Variants in WWC2 observed in about 807,000 individuals in gnomAD.
The protein encoded by WWC2 is protein WWC2.
WWC2 carries 101 observed loss-of-function variants against 138.5 expected under a neutral mutation model. The ratio of observed to expected loss-of-function variants is 0.73; its 90% CI spans 0.62 to 0.86. The LOEUF is 0.86. WWC2 is among the 40% of genes least tolerant of loss of function. The probability of loss-of-function intolerance (pLI) is 0.00; values close to 1 mark genes in which losing one functional copy is unlikely to be tolerated. For missense variants in WWC2, 1,420 were observed against 1,419.4 expected (o/e 1.00, Z -0.01); for synonymous variants, 558 against 538.4 (o/e 1.04, Z -0.50).
chr4:183,117,929 T>C (rs1256732579), intron 1 of WWC2, among the ~76,000 whole-genome samples: 2 of 152,064 alleles, frequency 1.3e-5, no homozygotes, highest in Non-Finnish European at 2.9e-5. Flanking sequence ...GCCCCCCAAG[T>C]AGCTGGGACT....
intron 1 of WWC2, among the ~76,000 whole-genome samples, chr4:183,154,436 C>T (rs556812419): frequency 6.6e-6 from 1 of 152,098 alleles, no homozygotes; most frequent in Non-Finnish European, 1.5e-5. Context: ...AGGCCATGAT[C>T]CCCAGGGAAT....
chr4:183,150,587 C>T (rs1044213193), intron 1 of WWC2, among the ~76,000 whole-genome samples: 1 of 152,068 alleles, frequency 6.6e-6, no homozygotes, highest in Admixed American at 6.6e-5. Flanking sequence ...GGTACATGTG[C>T]ACAACATGCA....
intron 4 of WWC2, among the ~76,000 whole-genome samples, chr4:183,215,153 A>G (rs991701861): frequency 2.0e-4 from 30 of 152,364 alleles, no homozygotes; most frequent in African/African-American, 7.2e-4. Flanking sequence ...TTTAACTTAT[A>G]AATTAGACAT....
In WWC2 at chr4:183,175,984, C is replaced by T. The variant is rs1022520537; in HGVS notation, c.132-17615C>T. Among the ~76,000 whole-genome samples the T allele has an allele frequency of 3.9e-5, 6 of 152,334 alleles. 1 individual carries two copies. In the Middle Eastern group the frequency reaches 0.014, roughly 345 times the overall value. The stretch of plus-strand genomic sequence containing the variant: ...CTTGCATACTTTGCCAGCGTTCAGC[C>T]TCATGACTTATGCTTGCTTCAAACT... On this transcript the variant is annotated intron_variant, in intron 1 of 22. Transcript: ENST00000403733.
chr4:183,194,903 G>C (rs1396492519), intron 2 of WWC2, among the ~76,000 whole-genome samples: 1 of 152,156 alleles, frequency 6.6e-6, no homozygotes, highest in South Asian at 2.1e-4. Flanking sequence ...TCTACAAGTT[G>C]TTACCTCAGC....
At chr4:183,232,385 A>C (rs1403976635) in intron 4 of WWC2, among the ~76,000 whole-genome samples, 1 of 152,138 alleles carries the variant, frequency 6.6e-6, no homozygotes, top group East Asian at 1.9e-4. Flanking sequence ...CCCTGCCCCC[A>C]GAGGGAACCT....
intron 1 of WWC2, among the ~76,000 whole-genome samples, chr4:183,190,473 G>A (rs920764927): frequency 2.6e-5 from 4 of 152,052 alleles, no homozygotes; most frequent in African/African-American, 9.7e-5. Context: ...TTTGGAACCT[G>A]AGAATGTTGT....
intron 1 of WWC2, among the ~76,000 whole-genome samples, chr4:183,129,853 T>C (rs1732867421): frequency 6.6e-6 from 1 of 152,190 alleles, no homozygotes; most frequent in Non-Finnish European, 1.5e-5. Context: ...ATGTCTGCAG[T>C]CATGTGATCA....
chr4:183,197,231 G>A (rs1030265508), intron 2 of WWC2, among the ~76,000 whole-genome samples: 38 of 152,232 alleles, frequency 2.5e-4, no homozygotes, highest in African/African-American at 8.7e-4. Context: ...TGCTGTAATG[G>A]TAATGGTATT....
At chr4:183,146,401 G>T (rs547624984) in intron 1 of WWC2, among the ~76,000 whole-genome samples, 1 of 152,230 alleles carries the variant, frequency 6.6e-6, no homozygotes, top group Non-Finnish European at 1.5e-5. Flanking sequence ...GATGAGGGCC[G>T]TAGGGGGTGG....
intron 22 of WWC2, 36 bp downstream of exon 22, chr4:183,312,504 C>T (rs746908785): frequency 1.2e-6 from 2 of 1,610,840 alleles, no homozygotes; most frequent in African/African-American, 2.7e-5. Flanking sequence ...TTTGGGTTGC[C>T]CTCACGGGGT....
intron 21 of WWC2, among the ~76,000 whole-genome samples, chr4:183,296,807 G>A (rs1427834889): frequency 1.3e-5 from 2 of 151,764 alleles, no homozygotes; most frequent in Non-Finnish European, 2.9e-5. Context: ...GGTGGCAGGT[G>A]CCTGTAGTCC....
intron 1 of WWC2, among the ~76,000 whole-genome samples, chr4:183,180,862 G>A (rs1459624798): frequency 6.6e-6 from 1 of 152,120 alleles, no homozygotes; most frequent in East Asian, 1.9e-4. Context: ...AAAAACTTAC[G>A]TGAACTACAT....
chr4:183,131,058 G>A (rs78590331), intron 1 of WWC2, among the ~76,000 whole-genome samples: 3,083 of 152,146 alleles, frequency 0.02, 98 homozygotes, highest in African/African-American at 0.071. Flanking sequence ...TAAAAAATCC[G>A]GAGGTAGACC....
intron 1 of WWC2, among the ~76,000 whole-genome samples, chr4:183,193,248 A>G (rs1225327331): frequency 6.6e-6 from 1 of 152,204 alleles, no homozygotes; most frequent in East Asian, 1.9e-4. Flanking sequence ...TCATGATACC[A>G]GTATTTGAAT....
intron 1 of WWC2, among the ~76,000 whole-genome samples, chr4:183,143,346 C>T (rs1460824699): frequency 1.3e-5 from 2 of 152,108 alleles, no homozygotes; most frequent in Non-Finnish European, 2.9e-5. Flanking sequence ...CATACTCCTT[C>T]TCAACAGCTT....
At chr4:183,312,300 A>AGT in intron 21 of WWC2, 41 bp from the exon 22 acceptor site, 1 of 1,604,086 alleles carries the variant, frequency 6.2e-7, no homozygotes, top group African/African-American at 1.3e-5. Context: ...ATTTCTAATC[A>AGT]GTGTTTTGTG....
At chr4:183,307,366 CAATT>C (rs1431180309) in intron 21 of WWC2, among the ~76,000 whole-genome samples, 3 of 152,124 alleles carry the variant, frequency 2.0e-5, no homozygotes, top group Admixed American at 6.5e-5. Context: ...CTCTACCAAA[CAATT>C]AAGGAAAAAA....
At chr4:183,197,457 A>G (rs1735175153) in intron 2 of WWC2, among the ~76,000 whole-genome samples, 1 of 152,266 alleles carries the variant, frequency 6.6e-6, no homozygotes, top group East Asian at 1.9e-4. Context: ...AAAATGAAAT[A>G]AGGAATGTTT....
Sources: gnomAD v4.1 joint callset for allele counts (sites outside exome capture counted in the v4.1 genomes callset) on GRCh38, gnomAD v4.1.1 for gene constraint, MANE v1.5 for transcripts, NCBI Gene and HGNC (gene_info 2026-07-23, HGNC 2026-07-21) for gene names.